SCGB2B2: variants seen among roughly 807,000 people sequenced by gnomAD.
The protein encoded by SCGB2B2 is secretoglobin family 2B member 2, also known as secretoglobin-like protein.
In SCGB2B2, 11 loss-of-function variants were observed where a neutral mutation model predicts 7.6. That is an observed-to-expected ratio of 1.45 (90% CI 0.91 to 2.40). The LOEUF (loss-of-function observed/expected upper bound fraction) is 2.40, where lower values mean the gene tolerates loss of function less well. Among genes scored for constraint, SCGB2B2 ranks in the 30% most tolerant of loss-of-function variants. The pLI is 0.00. For missense variants in SCGB2B2, 104 were observed against 115.4 expected, an observed-to-expected ratio of 0.90 and a Z score of 0.45; for synonymous variants, 50 against 48.6, an observed-to-expected ratio of 1.03 and a Z score of -0.12.
At chr19:34,624,565 T>C (rs1295005102) in intron 1 of SCGB2B2, among the ~76,000 whole-genome samples, 9 of 152,052 alleles carry the variant, frequency 5.9e-5, no homozygotes, top group Non-Finnish European at 1.3e-4. Flanking sequence ...AAAGAAGGGA[T>C]AGGAGACATG....
intron 1 of SCGB2B2, among the ~76,000 whole-genome samples, chr19:34,668,463 G>T (rs1373048941): frequency 6.6e-6 from 1 of 152,140 alleles, no homozygotes; most frequent in African/African-American, 2.4e-5. Flanking sequence ...TGCAGCCTCC[G>T]AGACGAGCGC....
rs141101474 is a variant in SCGB2B2, at chr19:34,650,570, C to T, written c.-2032+25060G>A. Among the ~76,000 whole-genome samples, 243 of 151,384 alleles carry T rather than the reference C, an allele frequency of 1.6e-3. 1 individual carries two copies. Among genetic ancestry groups the T allele is most frequent in the Non-Finnish European group, 2.8e-3 (188 of 68,026 alleles). ...GATTGAGCCGAAAAGAAATCAAACTCCTGAACAGACCAATTACAAGTCAGA... is the reference window on the plus strand; with the variant it reads ...GATTGAGCCGAAAAGAAATCAAACTTCTGAACAGACCAATTACAAGTCAGA... On this transcript the variant is annotated intron_variant, in intron 1 of 3. Transcript: ENST00000601241.
chr19:34,646,738 G>C (rs943628417), intron 1 of SCGB2B2: 2 of 153,298 alleles, frequency 1.3e-5, no homozygotes, highest in African/African-American at 4.8e-5. Context: ...CTTCCTCAGG[G>C]CTCCCCACAC....
chr19:34,652,823 T>C (rs1441650143), intron 1 of SCGB2B2, among the ~76,000 whole-genome samples: 1 of 151,250 alleles, frequency 6.6e-6, no homozygotes, highest in Non-Finnish European at 1.5e-5. Flanking sequence ...TAAAAATAGA[T>C]TTACCATATG....
In SCGB2B2 at chr19:34,595,004, T is replaced by C. The variant is rs562942552; in HGVS notation, c.-441A>G. The C allele has an allele frequency of 1.6e-4, 32 of 195,620 alleles. No individual in the cohort carries two copies. Among genetic ancestry groups the C allele is most frequent in the Admixed American group, 1.3e-3 (24 of 18,680 alleles). 12.1% of individuals were successfully genotyped at this position (195,620 alleles called of 1,614,324 possible). On this transcript the variant is annotated 5_prime_UTR_variant, in exon 2 of 4. Coordinates refer to ENST00000601241, the MANE Select transcript of SCGB2B2 (RefSeq NM_001025591.4). ...TCAACAAACATTTGCTAAGTGAGTA[T>C]GTCTGTCTGAATGGATAGCACATTA...
At chr19:34,593,816 G>A (rs1414449557) in intron 3 of SCGB2B2, among the ~76,000 whole-genome samples, 2 of 152,022 alleles carry the variant, frequency 1.3e-5, no homozygotes, top group African/African-American at 4.8e-5. Context: ...CATGTGTGTG[G>A]GCAGGCATGG....
chr19:34,662,492 T>C (rs1249894167), intron 1 of SCGB2B2, among the ~76,000 whole-genome samples: 2 of 133,716 alleles, frequency 1.5e-5, no homozygotes, highest in East Asian at 4.2e-4. Flanking sequence ...GAGATAAAAA[T>C]GTTTTTTAAA....
At chr19:34,631,124 G>T (rs550794283) in intron 1 of SCGB2B2, among the ~76,000 whole-genome samples, 1 of 116,862 alleles carries the variant, frequency 8.6e-6, no homozygotes, top group East Asian at 3.1e-4. Flanking sequence ...TGGGGTGGGG[G>T]GAGGGGGGAG....
At chr19:34,670,181 C>CT (rs1243670734) in intron 1 of SCGB2B2, among the ~76,000 whole-genome samples, 1 of 152,120 alleles carries the variant, frequency 6.6e-6, no homozygotes, top group Non-Finnish European at 1.5e-5. Flanking sequence ...TTTGCCATCT[C>CT]TAAGAAAAGA....
intron 1 of SCGB2B2, among the ~76,000 whole-genome samples, chr19:34,668,018 G>A (rs1600072608): frequency 6.6e-6 from 1 of 152,006 alleles, no homozygotes; most frequent in Non-Finnish European, 1.5e-5. Flanking sequence ...GTAGTGAGAG[G>A]TGACAGCATG....
At chr19:34,670,895 C>A (rs562004414) in intron 1 of SCGB2B2, among the ~76,000 whole-genome samples, 1 of 152,156 alleles carries the variant, frequency 6.6e-6, no homozygotes, top group South Asian at 2.1e-4. Context: ...ATATTGTATA[C>A]CGTGTGAGGT....
intron 1 of SCGB2B2, among the ~76,000 whole-genome samples, chr19:34,643,612 C>T (rs969242744): frequency 1.7e-4 from 26 of 152,076 alleles, no homozygotes; most frequent in African/African-American, 6.0e-4. Flanking sequence ...ATACTCCAAG[C>T]GATGGACCCT....
intron 1 of SCGB2B2, among the ~76,000 whole-genome samples, chr19:34,631,702 A>C (rs1423079519): frequency 6.6e-6 from 1 of 152,176 alleles, no homozygotes; most frequent in Admixed American, 6.5e-5. Flanking sequence ...ATTGATATAC[A>C]TATATTCAAT....
chr19:34,585,650 G>C (rs2065177911), downstream of SCGB2B2, among the ~76,000 whole-genome samples: 1 of 152,172 alleles, frequency 6.6e-6, no homozygotes, highest in South Asian at 2.1e-4. Context: ...ATGCTTGGTG[G>C]GCAGGGGACT....
chr19:34,657,688 T>A (rs567117279), intron 1 of SCGB2B2, among the ~76,000 whole-genome samples: 4 of 152,006 alleles, frequency 2.6e-5, no homozygotes, highest in Non-Finnish European at 5.9e-5. Flanking sequence ...ATTAGATCAA[T>A]GGAGAGAAGA....
chr19:34,648,454 A>G (rs1036145246), intron 1 of SCGB2B2, among the ~76,000 whole-genome samples: 3 of 152,216 alleles, frequency 2.0e-5, no homozygotes, highest in African/African-American at 7.2e-5. Flanking sequence ...AGCATTTCAC[A>G]TGTGTTTGAA....
At chr19:34,587,509 A>C (rs1652770847), downstream of SCGB2B2, among the ~76,000 whole-genome samples, 1 of 152,096 alleles carries the variant, frequency 6.6e-6, no homozygotes. Context: ...TCCAGTCTGG[A>C]TGCCCTTTGT....
chr19:34,669,729 A>ACACACACACACACACACACACACACACC (rs1568444788), intron 1 of SCGB2B2, among the ~76,000 whole-genome samples: 1 of 151,870 alleles, frequency 6.6e-6, no homozygotes, highest in South Asian at 2.1e-4. Context: ...ACACACACAC[A>ACACACACACACACACACACACACACACC]CGAAGAGGTG....
At chr19:34,644,375 T>TTA (rs397963064) in intron 1 of SCGB2B2, among the ~76,000 whole-genome samples, 2 of 150,896 alleles carry the variant, frequency 1.3e-5, no homozygotes, top group Non-Finnish European at 3.0e-5. Context: ...TTTTTTTTTT[T>TTA]ACTCTGGTAA....
Sources: allele counts gnomAD v4.1 joint callset (sites outside exome capture counted in the v4.1 genomes callset), GRCh38; gene constraint gnomAD v4.1.1; transcripts MANE v1.5; gene names NCBI Gene and HGNC (gene_info 2026-07-23, HGNC 2026-07-21).